BCL11B: variants seen among roughly 807,000 people sequenced by gnomAD.
BCL11B encodes the protein B-cell lymphoma/leukemia 11B.
Under a neutral mutation model 49.9 loss-of-function variants are expected in BCL11B, and 8 were observed. That is an observed-to-expected ratio of 0.16 (90% CI 0.09 to 0.29). BCL11B has a LOEUF of 0.29. Ranked by LOEUF, BCL11B falls within the 10% of genes least tolerant of loss-of-function variation. BCL11B has a pLI of 1.00. For missense variants in BCL11B, 1,006 were observed against 1,351.0 expected, an observed-to-expected ratio of 0.74 and a Z score of 4.00; for synonymous variants, 739 against 637.4, an observed-to-expected ratio of 1.16 and a Z score of -2.40.
chr14:99,178,523 G>A (rs1197466514), intron 3 of BCL11B, among the ~76,000 whole-genome samples: 4 of 152,264 alleles, frequency 2.6e-5, no homozygotes, highest in South Asian at 2.1e-4. Context: ...CACTCTCAGC[G>A]AACAGAGGAA....
In BCL11B at chr14:99,171,339, A is replaced by G; in HGVS notation, c.*2812T>C. The G allele has an allele frequency of 4.5e-6, 1 of 224,394 alleles. No homozygotes were observed. Among genetic ancestry groups the G allele is most frequent in the South Asian group, 1.8e-4 (1 of 5,438 alleles). 13.9% of individuals were successfully genotyped at this position (224,394 alleles called of 1,614,324 possible). On this transcript the variant is annotated 3_prime_UTR_variant, in exon 4 of 4. Transcript: ENST00000357195. ...CTTTTTCTCCTGTACAATAGGACTT[A>G]ACATACAAATGTGTTTTTTTTGCAA...
chr14:99,199,282 T>C (rs1163534856), intron 3 of BCL11B, among the ~76,000 whole-genome samples: 2 of 152,214 alleles, frequency 1.3e-5, no homozygotes, highest in African/African-American at 4.8e-5. Flanking sequence ...TTTTCTCCCA[T>C]GCTCCTTAAT....
At position 99,170,383 on chromosome 14, in the gene BCL11B, A is replaced by T. The variant is rs1165993527; in HGVS notation, c.*3768T>A. 8 of 223,544 alleles carry T rather than the reference A, an allele frequency of 3.6e-5. No individual in the cohort carries two copies. 13.8% of individuals were successfully genotyped at this position (223,544 alleles called of 1,614,324 possible). On this transcript the variant is annotated 3_prime_UTR_variant, in exon 4 of 4. Coordinates refer to ENST00000357195, the MANE Select transcript of BCL11B (RefSeq NM_138576.4). The stretch of plus-strand genomic sequence containing the variant: ...TGGTTATACTTTCATAACCTGAAAT[A>T]ATGGTTTCTTACATTTCCTGAAATA...
At chr14:99,215,821 G>A (rs1887817601) in intron 3 of BCL11B, among the ~76,000 whole-genome samples, 1 of 152,182 alleles carries the variant, frequency 6.6e-6, no homozygotes, top group African/African-American at 2.4e-5. Context: ...CAGTGATTCT[G>A]GAAACACTGT....
rs1171953103 is a variant in BCL11B, at chr14:99,242,621, G to C, written c.428-11064C>G. Among the ~76,000 whole-genome samples, 1 of 152,172 alleles carries C rather than the reference G, an allele frequency of 6.6e-6. No homozygotes were observed. The highest frequency in any genetic ancestry group is 2.4e-5 in the African/African-American group (1 of 41,438). On this transcript the variant is annotated intron_variant, in intron 2 of 3. Coordinates refer to ENST00000357195, the MANE Select transcript of BCL11B (RefSeq NM_138576.4). The surrounding 1 kb of genome is among the most constrained non-coding windows in gnomAD (Gnocchi z 4.4). ...CTCCCACCCCTACCCCACAACTCCA[G>C]CCCAAAGTCTTGGCCCAGCCAGGGT...
chr14:99,214,979 T>C (rs541427953), intron 3 of BCL11B, among the ~76,000 whole-genome samples: 2 of 152,272 alleles, frequency 1.3e-5, no homozygotes, highest in Admixed American at 1.3e-4. Context: ...CACACCACCA[T>C]TCCTCCTGAC....
Position 99,248,075 on chromosome 14 carries a change from G to C in BCL11B, c.427+9396C>G, listed in dbSNP as rs935199299. 6.6e-5 allele frequency among the ~76,000 whole-genome samples: 10 copies of C among 152,114 alleles called. No individual in the cohort carries two copies. Among genetic ancestry groups the C allele is most frequent in the African/African-American group, 2.4e-4 (10 of 41,408 alleles). On this transcript the variant is annotated intron_variant, in intron 2 of 3. Transcript: ENST00000357195. This position sits in a 1 kb window ranked among gnomAD's most constrained non-coding sequence, Gnocchi z 4.7. ...TGTTACTATTTTTCCGCCCAGAGGA[G>C]GCTGTGGTCCCAGTTTCCCAGCTGT...
chr14:99,256,076 G>A (rs1486708339), intron 2 of BCL11B, among the ~76,000 whole-genome samples: 1 of 152,242 alleles, frequency 6.6e-6, no homozygotes, highest in African/African-American at 2.4e-5. Context: ...GCATCACAAA[G>A]CTTTGGAGAC....
intron 3 of BCL11B, among the ~76,000 whole-genome samples, chr14:99,197,943 G>A (rs1387383609): frequency 1.3e-5 from 2 of 152,192 alleles, no homozygotes; most frequent in Non-Finnish European, 2.9e-5. Flanking sequence ...ATAAAGAGAC[G>A]ATGCCTCCCA....
At position 99,242,143 on chromosome 14, in the gene BCL11B, C is replaced by T. The variant is rs964189891; in HGVS notation, c.428-10586G>A. Among the ~76,000 whole-genome samples, 6 of 152,178 alleles carry T rather than the reference C, an allele frequency of 3.9e-5. No homozygotes were observed. The highest frequency in any genetic ancestry group is 1.4e-4 in the African/African-American group (6 of 41,416). ...GGTTCGGTTCAGAGTTTTAGGAGAA[C>T]AAGAATCCTCTACCCCAAAATACAT... On this transcript the variant is annotated intron_variant, in intron 2 of 3. Transcript: ENST00000357195. The surrounding 1 kb of genome is among the most constrained non-coding windows in gnomAD (Gnocchi z 4.4).
rs1278294706 is a variant in BCL11B at position 99,257,280 on chromosome 14, C to T, written c.427+191G>A. Among the ~76,000 whole-genome samples, 6 of 152,042 alleles carry T rather than the reference C, an allele frequency of 3.9e-5. No homozygotes were observed. Among genetic ancestry groups the T allele is most frequent in the African/African-American group, 1.4e-4 (6 of 41,414 alleles). ...CAGCCATCAGCCATTTGGGCCTCCC[C>T]GAGCCCCAGGCCTGTCTCCTCCTGA... On this transcript the variant is annotated intron_variant, in intron 2 of 3. Transcript: ENST00000357195. The surrounding 1 kb of genome is among the most constrained non-coding windows in gnomAD (Gnocchi z 6.2).
At chr14:99,217,049 CATAT>C (rs1887860385) in intron 3 of BCL11B, among the ~76,000 whole-genome samples, 1 of 152,146 alleles carries the variant, frequency 6.6e-6, no homozygotes, top group Non-Finnish European at 1.5e-5. Context: ...CATGCATGCA[CATAT>C]ATACACTTAG....
chr14:99,245,369 A>G (rs2139925385), intron 2 of BCL11B, among the ~76,000 whole-genome samples: 1 of 152,342 alleles, frequency 6.6e-6, no homozygotes, highest in South Asian at 2.1e-4. Context: ...CACAATTGGG[A>G]AAACACTTTT....
rs1055941310 is a variant in BCL11B at position 99,172,381 on chromosome 14, C to T, written c.*1770G>A. ...GATTGGGTCTTATGGCATTTCATAT[C>T]CTCTATCTTCAACCAGAATTTTTTT... On this transcript the variant is annotated 3_prime_UTR_variant, in exon 4 of 4. Coordinates refer to ENST00000357195, the MANE Select transcript of BCL11B (RefSeq NM_138576.4). 3 of 221,098 alleles carry T rather than the reference C, an allele frequency of 1.4e-5. No individual in the cohort carries two copies. The highest frequency in any genetic ancestry group is 6.7e-5 in the African/African-American group (3 of 44,592). 13.7% of individuals were successfully genotyped at this position (221,098 alleles called of 1,614,324 possible). A position where few individuals can be genotyped will look rare whatever the true frequency, so the allele number is the denominator to read the frequency against.
chr14:99,264,938 G>A (rs1390158548), intron 1 of BCL11B, among the ~76,000 whole-genome samples: 1 of 152,194 alleles, frequency 6.6e-6, no homozygotes, highest in Admixed American at 6.5e-5. Flanking sequence ...GAGCAAGAGG[G>A]GGACCGAGCC....
chr14:99,221,427 T>G (rs1486812426), intron 3 of BCL11B, among the ~76,000 whole-genome samples: 1 of 152,242 alleles, frequency 6.6e-6, no homozygotes, highest in African/African-American at 2.4e-5. Flanking sequence ...GGAGAAGTCC[T>G]GAGCGCCACG....
At chr14:99,200,225 A>G (rs534111080) in intron 3 of BCL11B, among the ~76,000 whole-genome samples, 11 of 152,288 alleles carry the variant, frequency 7.2e-5, no homozygotes, top group Admixed American at 4.6e-4. Flanking sequence ...AGCCGAGAGA[A>G]GAGCCTGCTG....
At chr14:99,244,760 A>G (rs1760817336) in intron 2 of BCL11B, among the ~76,000 whole-genome samples, 1 of 152,242 alleles carries the variant, frequency 6.6e-6, no homozygotes, top group Non-Finnish European at 1.5e-5. Flanking sequence ...AGTTCGGGTT[A>G]GCTAAATCTG....
In BCL11B at chr14:99,192,601, C is replaced by A; in HGVS notation, c.641-16406G>T. On this transcript the variant is annotated intron_variant, in intron 3 of 3. Coordinates refer to ENST00000357195, the MANE Select transcript of BCL11B (RefSeq NM_138576.4). This position sits in a 1 kb window ranked among gnomAD's most constrained non-coding sequence, Gnocchi z 4.0. ...CTGCCAGGTACCAGGTGTACCAGACCGGCTGAAGTTTGGATGGGAAGGGAC... is the reference window on the plus strand; with the variant it reads ...CTGCCAGGTACCAGGTGTACCAGACAGGCTGAAGTTTGGATGGGAAGGGAC... Among the ~76,000 whole-genome samples the A allele has an allele frequency of 6.6e-6, 1 of 152,136 alleles. No individual in the cohort carries two copies. Among genetic ancestry groups the A allele is most frequent in the East Asian group, 1.9e-4 (1 of 5,192 alleles).
Sources: allele counts gnomAD v4.1 joint callset (sites outside exome capture counted in the v4.1 genomes callset), GRCh38; gene constraint gnomAD v4.1.1; non-coding constraint Gnocchi (gnomAD v3.1); transcripts MANE v1.5; gene names NCBI Gene and HGNC (gene_info 2026-07-23, HGNC 2026-07-21).